Variants in RSPH3 observed in about 807,000 individuals in gnomAD.
The protein encoded by RSPH3 is radial spoke head 3, also known as radial spoke head protein 3 homolog.
RSPH3 carries 21 observed loss-of-function variants against 43.8 expected under a neutral mutation model. That is an observed-to-expected ratio of 0.48 (90% confidence interval 0.34 to 0.69). RSPH3 has a LOEUF of 0.69. Ranked by LOEUF, RSPH3 falls within the 30% of genes least tolerant of loss-of-function variation. RSPH3 has a pLI of 0.01. For synonymous variants in RSPH3, 173 were observed against 179.8 expected (o/e 0.96, Z 0.30); for missense variants, 487 against 516.0 (o/e 0.94, Z 0.54).
At chr6:158,981,799 A>G (rs1316506219) in intron 5 of RSPH3, among the ~76,000 whole-genome samples, 1 of 152,178 alleles carries the variant, frequency 6.6e-6, no homozygotes, top group East Asian at 1.9e-4. Flanking sequence ...TAACTGTTTC[A>G]GGTATTAAGA....
chr6:158,986,366 G>C lies in RSPH3; in HGVS notation c.260C>G (p.Ala87Gly), dbSNP rs1485971968. The change falls in exon 3 of 8, where the codon GCT becomes GGT. Residue 87 changes from alanine (A) to glycine (G), a missense_variant. Physicochemically the swap from Ala to Gly is moderately conservative, Grantham distance 60. Transcript: ENST00000367069. ...LQRQREARKR[A>G]LARKQAQEQL... ...CTCTTGGGCTTGTTTTCTGGCAAGA[G>C]CCCTCTTCCTAGCCTCCCGTTGTCT... The C allele has an allele frequency of 6.2e-7, 1 of 1,614,102 alleles. No homozygotes were observed. The highest frequency in any genetic ancestry group is 2.2e-5 in the East Asian group (1 of 44,890).
In RSPH3 at chr6:158,999,970, C is replaced by T. The variant is rs1464763413; in HGVS notation, c.-420G>A. ...AGGGAGGCGGCCTTGGCTGGCTTGA[C>T]CGTCATCCTTGAGGCCTGCGGGGCA... On this transcript the variant is annotated 5_prime_UTR_variant, in exon 1 of 8. Coordinates refer to ENST00000367069, the MANE Select transcript of RSPH3 (RefSeq NM_031924.8). The T allele has an allele frequency of 6.3e-7, 1 of 1,593,222 alleles. No individual in the cohort carries two copies. The highest frequency in any genetic ancestry group is 1.1e-5 in the South Asian group (1 of 87,994).
downstream of RSPH3, among the ~76,000 whole-genome samples, chr6:158,971,125 G>A (rs1486099779): frequency 2.0e-5 from 3 of 152,138 alleles, no homozygotes; most frequent in Non-Finnish European, 4.4e-5. Context: ...TTTATTGTGG[G>A]GGTGGGGAGG....
At chr6:158,988,815 G>A (rs1027452489) in intron 2 of RSPH3, among the ~76,000 whole-genome samples, 17 of 151,874 alleles carry the variant, frequency 1.1e-4, no homozygotes, top group African/African-American at 3.4e-4. Flanking sequence ...CTTAGACATC[G>A]CTGAATTTCC....
downstream of RSPH3, among the ~76,000 whole-genome samples, chr6:158,968,227 T>C (rs2128603345): frequency 6.6e-6 from 1 of 152,246 alleles, no homozygotes; most frequent in East Asian, 1.9e-4. Context: ...TTGTTTCTTT[T>C]ACTGTTTTTT....
In RSPH3 at chr6:158,982,745, C is replaced by A. The variant is rs1409780226; in HGVS notation, c.493-57G>T. 7 of 1,197,616 alleles carry A rather than the reference C, an allele frequency of 5.8e-6. No individual in the cohort carries two copies. In the Admixed American group the frequency reaches 5.9e-5, roughly 10 times the overall value. The allele number at this position is 1,197,616 out of a possible 1,614,324, so 74.2% of individuals were successfully genotyped here. ...TTTTAATTACGAATCAAATGCTCAA[C>A]AAAAATATAATGAATAGCAATAACA... On this transcript the variant is annotated intron_variant, in intron 4 of 7. Coordinates refer to ENST00000367069, the MANE Select transcript of RSPH3 (RefSeq NM_031924.8).
intron 2 of RSPH3, among the ~76,000 whole-genome samples, chr6:158,993,135 TTGAGATGTAGTCTCACTC>T (rs1360027430): frequency 6.6e-6 from 1 of 152,138 alleles, no homozygotes; most frequent in African/African-American, 2.4e-5. Flanking sequence ...GCTTTTTTTT[TTGAGATGTAGTCTCACTC>T]TGTCGCCAGA....
chr6:158,987,209 CACTTTATTATTACAGAGTG>C (rs1778262647), intron 2 of RSPH3, among the ~76,000 whole-genome samples: 1 of 152,130 alleles, frequency 6.6e-6, no homozygotes, highest in South Asian at 2.1e-4. Context: ...CTGAATTGAT[CACTTTATTATTACAGAGTG>C]ACTGTGTTTC....
chr6:158,980,185 A>T (rs1777984312), intron 6 of RSPH3, among the ~76,000 whole-genome samples: 1 of 152,208 alleles, frequency 6.6e-6, no homozygotes, highest in Non-Finnish European at 1.5e-5. Context: ...CTCTAATCTC[A>T]GCTCTTTGGG....
At chr6:158,991,186 C>T (rs1205659446) in intron 2 of RSPH3, among the ~76,000 whole-genome samples, 1 of 152,056 alleles carries the variant, frequency 6.6e-6, no homozygotes, top group African/African-American at 2.4e-5. Context: ...CAGGTAATTC[C>T]CACATCTGAG....
rs752489731 is a variant in RSPH3, at chr6:158,978,279, C to T, written c.927G>A (p.Val309=). Residue 309 remains valine (V), a synonymous_variant, in exon 7 of 8, where the codon GTG becomes GTA. Transcript: ENST00000367069. ...ACTTACTGTCAAGCACTGTTCTTCCCACCATGCTATATTCCATGGTTTTTT... is the reference window on the plus strand; with the variant it reads ...ACTTACTGTCAAGCACTGTTCTTCCTACCATGCTATATTCCATGGTTTTTT... ...EVEKTMEYSM[V]GRTVLDMLIR... is the part of the protein sequence containing the mutation. 2 of 1,576,686 alleles carry T rather than the reference C, an allele frequency of 1.3e-6. No individual in the cohort carries two copies. Among genetic ancestry groups the T allele is most frequent in the Non-Finnish European group, 1.7e-6 (2 of 1,147,562 alleles).
intron 6 of RSPH3, among the ~76,000 whole-genome samples, chr6:158,979,532 A>G (rs1462308425): frequency 6.6e-6 from 1 of 152,148 alleles, no homozygotes; most frequent in Non-Finnish European, 1.5e-5. Flanking sequence ...GGAGCAAGGC[A>G]TTTAACTTCT....
At chr6:158,997,480 AGAG>A (rs1778634058) in intron 1 of RSPH3, among the ~76,000 whole-genome samples, 1 of 152,112 alleles carries the variant, frequency 6.6e-6, no homozygotes, top group African/African-American at 2.4e-5. Flanking sequence ...TAAGGATATC[AGAG>A]GAGAATATTA....
chr6:158,970,072 T>C (rs916032227), downstream of RSPH3, among the ~76,000 whole-genome samples: 6 of 149,550 alleles, frequency 4.0e-5, no homozygotes, highest in African/African-American at 1.5e-4. Context: ...TTGCCTGCCT[T>C]GTACTTTTTT....
In RSPH3 at chr6:159,000,093, T is replaced by C; in HGVS notation, c.-543A>G. ...CACGTGCTCCTGCTCTTCCAGGGTGTCCTCGGCTGTTTCTCCTGCCGCGGC... is the reference window on the plus strand; with the variant it reads ...CACGTGCTCCTGCTCTTCCAGGGTGCCCTCGGCTGTTTCTCCTGCCGCGGC... On this transcript the variant is annotated 5_prime_UTR_variant, in exon 1 of 8. Coordinates refer to ENST00000367069, the MANE Select transcript of RSPH3 (RefSeq NM_031924.8). The C allele has an allele frequency of 9.0e-7, 1 of 1,106,548 alleles. No individual in the cohort carries two copies. Among genetic ancestry groups the C allele is most frequent in the South Asian group, 1.7e-5 (1 of 58,638 alleles). The allele number at this position is 1,106,548 out of a possible 1,614,324, so 68.5% of individuals were successfully genotyped here.
chr6:158,963,655 C>G, the RSPH3 span, among the ~76,000 whole-genome samples: 5 of 150,948 alleles, frequency 3.3e-5, no homozygotes, highest in Non-Finnish European at 7.4e-5. Flanking sequence ...AATCATGGCT[C>G]AACAACTCAC....
At chr6:158,986,242 A>C (rs750229045) in intron 3 of RSPH3, 38 bp downstream of exon 3, 3 of 1,604,554 alleles carry the variant, frequency 1.9e-6, no homozygotes, top group Non-Finnish European at 2.6e-6. Flanking sequence ...CAACTGAGTA[A>C]ACCAAGAGGA....
At chr6:158,967,350 TTTGAACCA>T in the RSPH3 span, among the ~76,000 whole-genome samples, 1 of 152,162 alleles carries the variant, frequency 6.6e-6, no homozygotes, top group African/African-American at 2.4e-5. Flanking sequence ...TGATTTCTCC[TTTGAACCA>T]TTTATTATTT....
chr6:158,993,519 A>G (rs1160473703), intron 2 of RSPH3, among the ~76,000 whole-genome samples: 3 of 151,490 alleles, frequency 2.0e-5, no homozygotes, highest in African/African-American at 4.9e-5. Flanking sequence ...TAAGTATAAA[A>G]TTCAGTGGTA....
Sources: allele counts gnomAD v4.1 joint callset (sites outside exome capture counted in the v4.1 genomes callset), GRCh38; gene constraint gnomAD v4.1.1; transcripts MANE v1.5; gene names NCBI Gene and HGNC (gene_info 2026-07-23, HGNC 2026-07-21).